Variants in VWA3B observed in about 807,000 individuals in gnomAD.
The protein encoded by VWA3B is von Willebrand factor A domain containing 3B, also known as von Willebrand factor A domain-containing protein 3B.
A neutral mutation model predicts 158.3 loss-of-function variants in VWA3B; 138 were observed. That is an observed-to-expected ratio of 0.87 (90% CI 0.76 to 1.00). VWA3B has a LOEUF of 1.00. Among genes scored for constraint, VWA3B ranks in the 50% least tolerant of loss-of-function variants. VWA3B has a pLI of 0.00. For missense variants in VWA3B, 1,555 were observed against 1,565.1 expected, an observed-to-expected ratio of 0.99 and a Z score of 0.11; for synonymous variants, 596 against 587.3, an observed-to-expected ratio of 1.01 and a Z score of -0.21.
chr2:98,145,456 G>C (rs545496456), intron 7 of VWA3B, among the ~76,000 whole-genome samples: 3 of 152,152 alleles, frequency 2.0e-5, no homozygotes, highest in Non-Finnish European at 4.4e-5. Flanking sequence ...ACTATTAATA[G>C]CACATGGCAG....
chr2:98,183,116 T>C (rs1261324833), intron 9 of VWA3B, among the ~76,000 whole-genome samples: 1 of 152,098 alleles, frequency 6.6e-6, no homozygotes, highest in Non-Finnish European at 1.5e-5. Context: ...GAGGGAATTT[T>C]ACCTCAATTT....
intron 13 of VWA3B, chr2:98,216,987 C>CCCCT (rs781288796): frequency 3.9e-6 from 5 of 1,275,366 alleles, no homozygotes; most frequent in East Asian, 1.1e-4. Flanking sequence ...TAAGCACCCG[C>CCCCT]CCCGCACCCA....
At chr2:98,140,740 TTA>T (rs1200482749) in intron 7 of VWA3B, among the ~76,000 whole-genome samples, 2 of 152,196 alleles carry the variant, frequency 1.3e-5, no homozygotes, top group African/African-American at 4.8e-5. Context: ...CCCTTCTCTG[TTA>T]ATAAGCGTGG....
In VWA3B at chr2:98,187,982, A is replaced by T; in HGVS notation, c.1319A>T (p.Asn440Ile). The T allele has an allele frequency of 6.2e-7, 1 of 1,611,618 alleles. No individual in the cohort carries two copies. The highest frequency in any genetic ancestry group is 8.5e-7 in the Non-Finnish European group (1 of 1,178,816). ...NESVQTSAET[N>I]KKTVHAKYCS... is the part of the protein sequence containing the mutation. ...CCTTTGTCATCTCCTTAGGAGACGAACAAGAAGACAGTCCATGCAAAATAT... is the reference window on the plus strand; with the variant it reads ...CCTTTGTCATCTCCTTAGGAGACGATCAAGAAGACAGTCCATGCAAAATAT... The change falls in exon 10 of 28, where the codon AAC becomes ATC. Residue 440 changes from asparagine (N) to isoleucine (I), a missense_variant. Physicochemically the swap from Asn to Ile is moderately radical, Grantham distance 149 (BLOSUM62 -3). Coordinates refer to ENST00000477737, the MANE Select transcript of VWA3B (RefSeq NM_144992.5).
chr2:98,182,117 G>T (rs1680638059), intron 9 of VWA3B, among the ~76,000 whole-genome samples: 1 of 152,240 alleles, frequency 6.6e-6, no homozygotes, highest in Non-Finnish European at 1.5e-5. Flanking sequence ...CAAGCCCAGG[G>T]CAGACAGGCA....
chr2:98,236,463 G>T lies in VWA3B; in HGVS notation c.2502G>T (p.Gln834His). The change falls in exon 18 of 28, where the codon CAG (glutamine) becomes CAT (histidine). Residue 834 changes from glutamine (Q) to histidine (H), a missense_variant. Gln to His is a conservative substitution (Grantham distance 24, BLOSUM62 0). Transcript: ENST00000477737. Reference protein sequence around the residue: ...SSEKVTREGSQVYDHDSSDVS... With the variant: ...SSEKVTREGSHVYDHDSSDVS... Reference sequence around the variant, plus strand: ...AAAAGGTGACGCGAGAAGGAAGCCAGGTTTATGACCACGAGTGAGTTCTTT... The same window carrying T: ...AAAAGGTGACGCGAGAAGGAAGCCATGTTTATGACCACGAGTGAGTTCTTT... The T allele has an allele frequency of 6.2e-7, 1 of 1,614,230 alleles. No homozygotes were observed. The highest frequency in any genetic ancestry group is 8.5e-7 in the Non-Finnish European group (1 of 1,180,036).
chr2:98,240,597 A>G (rs6731804), intron 19 of VWA3B, among the ~76,000 whole-genome samples: 5,901 of 152,278 alleles, frequency 0.039, 146 homozygotes, highest in African/African-American at 0.052. Context: ...TCTCTTCCTA[A>G]GAAGAACTCT....
At chr2:98,256,295 A>G (rs1309352897) in intron 21 of VWA3B, 121 bp downstream of exon 21, 2 of 1,146,728 alleles carry the variant, frequency 1.7e-6, no homozygotes, top group African/African-American at 3.1e-5. Context: ...TCTGCAAACC[A>G]CTACCTTTTT....
chr2:98,269,066 G>T (rs1224666621), intron 21 of VWA3B, among the ~76,000 whole-genome samples: 1 of 152,060 alleles, frequency 6.6e-6, no homozygotes, highest in Non-Finnish European at 1.5e-5. Flanking sequence ...AATTTCTAAA[G>T]ATTTATTTTG....
the VWA3B span, among the ~76,000 whole-genome samples, chr2:98,326,413 A>G: frequency 2.0e-5 from 3 of 152,234 alleles, no homozygotes; most frequent in Non-Finnish European, 4.4e-5. Context: ...CCTTTTTACA[A>G]AAGAAGCTCC....
At chr2:98,205,135 A>G (rs1682909553) in intron 12 of VWA3B, among the ~76,000 whole-genome samples, 1 of 152,186 alleles carries the variant, frequency 6.6e-6, no homozygotes. Flanking sequence ...TAATGAATTA[A>G]TTCTCTAGTG....
intron 2 of VWA3B, among the ~76,000 whole-genome samples, chr2:98,093,601 G>C (rs1026655428): frequency 1.3e-5 from 2 of 152,132 alleles, no homozygotes; most frequent in Non-Finnish European, 2.9e-5. Flanking sequence ...GTGAATGGCT[G>C]TATCTAGCTA....
intron 15 of VWA3B, among the ~76,000 whole-genome samples, chr2:98,228,574 G>A (rs553630870): frequency 1.8e-4 from 28 of 152,238 alleles, no homozygotes; most frequent in African/African-American, 5.5e-4. Context: ...CTGTGTGGAC[G>A]GGCCCCCAGA....
chr2:98,195,784 C>T (rs1426601718), intron 12 of VWA3B, among the ~76,000 whole-genome samples: 1 of 152,134 alleles, frequency 6.6e-6, no homozygotes, highest in African/African-American at 2.4e-5. Flanking sequence ...TGGCTAAAAA[C>T]ACATATTCCT....
intron 9 of VWA3B, among the ~76,000 whole-genome samples, chr2:98,183,579 A>C (rs563987182): frequency 3.2e-4 from 48 of 152,356 alleles, no homozygotes; most frequent in African/African-American, 1.2e-3. Flanking sequence ...CTGAAATCAC[A>C]CTGCATGCAC....
chr2:98,108,754 T>C (rs1460304585), intron 2 of VWA3B, among the ~76,000 whole-genome samples: 2 of 152,024 alleles, frequency 1.3e-5, no homozygotes, highest in Non-Finnish European at 2.9e-5. Context: ...GCAAATTTCC[T>C]GTAGACAGTA....
intron 23 of VWA3B, among the ~76,000 whole-genome samples, chr2:98,296,633 G>T (rs1689815794): frequency 6.6e-6 from 1 of 152,170 alleles, no homozygotes; most frequent in South Asian, 2.1e-4. Context: ...CGTGAGCCAG[G>T]ACTGGGGAGC....
intron 2 of VWA3B, among the ~76,000 whole-genome samples, chr2:98,114,324 T>C (rs1206935639): frequency 6.6e-5 from 10 of 152,250 alleles, no homozygotes; most frequent in Non-Finnish European, 1.5e-5. Flanking sequence ...TTTAGTCACT[T>C]CATCAATGTC....
At chr2:98,146,039 C>A (rs549736231) in intron 7 of VWA3B, among the ~76,000 whole-genome samples, 1 of 151,982 alleles carries the variant, frequency 6.6e-6, no homozygotes, top group Non-Finnish European at 1.5e-5. Context: ...CTAGCCCTTT[C>A]CTAATTTTTT....
Sources: gnomAD v4.1 joint callset for allele counts (sites outside exome capture counted in the v4.1 genomes callset) on GRCh38, gnomAD v4.1.1 for gene constraint, MANE v1.5 for transcripts, NCBI Gene and HGNC (gene_info 2026-07-23, HGNC 2026-07-21) for gene names.